Variants in MACROD2 observed in about 807,000 individuals in gnomAD.
MACROD2 encodes ADP-ribose glycohydrolase MACROD2.
In MACROD2, 36 loss-of-function variants were observed where a neutral mutation model predicts 70.4. The observed-to-expected ratio is 0.51, with a 90% confidence interval of 0.39 to 0.68. The LOEUF (loss-of-function observed/expected upper bound fraction) is 0.68. MACROD2 is among the 30% of genes least tolerant of loss of function. The pLI, the probability that MACROD2 is intolerant of heterozygous loss-of-function variation, is 0.00. For missense variants in MACROD2, 496 were observed against 538.4 expected (o/e 0.92, Z 0.78); for synonymous variants, 172 against 178.8 (o/e 0.96, Z 0.30).
intron 8 of MACROD2, among the ~76,000 whole-genome samples, chr20:15,737,174 G>T (rs2051034015): frequency 2.6e-5 from 4 of 152,148 alleles, no homozygotes; most frequent in Admixed American, 6.5e-5. Context: ...GAGGAAGGTT[G>T]AAATAATTTT....
At chr20:15,552,589 C>T (rs570568085) in intron 8 of MACROD2, 1 of 152,390 alleles carries the variant, frequency 6.6e-6, no homozygotes, top group African/African-American at 2.4e-5. Flanking sequence ...CCAGATAACA[C>T]AGACAGCTTC....
At chr20:14,542,201 A>T (rs183704111) in intron 4 of MACROD2, among the ~76,000 whole-genome samples, 122 of 152,022 alleles carry the variant, frequency 8.0e-4, no homozygotes, top group Admixed American at 1.6e-3. Flanking sequence ...CCCTCACCGC[A>T]CTCCTATGTA....
intron 5 of MACROD2, chr20:14,757,426 G>C (rs556797349): frequency 5.0e-6 from 2 of 396,818 alleles, no homozygotes; most frequent in Non-Finnish European, 9.1e-6. Context: ...ATTTCATTTA[G>C]TTTCAAAAGA....
rs527736446 is a variant in MACROD2 at position 15,460,414 on chromosome 20, G to T, written c.571+28979G>T. On this transcript the variant is annotated intron_variant, in intron 7 of 17. Transcript: ENST00000684519. ...CTCCTCAAAAATATTAGCACCAGCA[G>T]GCAGCACGGTTTCCACAGAGGTCTT... Among the ~76,000 whole-genome samples, 46 of 152,248 alleles carry T rather than the reference G, an allele frequency of 3.0e-4. 1 individual carries two copies. The South Asian group carries it at 9.6e-3, about 32-fold the overall frequency.
At chr20:14,529,370 A>T (rs995548125) in intron 4 of MACROD2, among the ~76,000 whole-genome samples, 16 of 152,162 alleles carry the variant, frequency 1.1e-4, no homozygotes, top group African/African-American at 3.6e-4. Flanking sequence ...CACTTAGTGT[A>T]TTGGCTTTTG....
intron 2 of MACROD2, among the ~76,000 whole-genome samples, chr20:14,022,850 G>A (rs2053107549): frequency 1.3e-5 from 2 of 152,134 alleles, no homozygotes; most frequent in Non-Finnish European, 1.5e-5. Flanking sequence ...GTCGTTGATG[G>A]GCATTTGGGT....
chr20:14,636,717 A>G (rs1006673199), intron 4 of MACROD2, among the ~76,000 whole-genome samples: 3 of 152,232 alleles, frequency 2.0e-5, no homozygotes, highest in East Asian at 3.9e-4. Flanking sequence ...AAAATATTCT[A>G]TAATCTTCTC....
intron 5 of MACROD2, among the ~76,000 whole-genome samples, chr20:14,841,538 G>T (rs1348112226): frequency 6.9e-6 from 1 of 144,290 alleles, no homozygotes; most frequent in African/African-American, 2.5e-5. Flanking sequence ...AAAAAAAAAA[G>T]AATATAGAAA....
chr20:15,886,689 G>T (rs1430806473), intron 10 of MACROD2, among the ~76,000 whole-genome samples: 3 of 152,086 alleles, frequency 2.0e-5, no homozygotes, highest in Non-Finnish European at 2.9e-5. Context: ...GCCATTCAGT[G>T]TGTCTTTGAT....
chr20:15,835,408 A>G lies in MACROD2; in HGVS notation c.646-27337A>G, dbSNP rs73246785. Among the ~76,000 whole-genome samples the G allele has an allele frequency of 7.0e-3, 1,064 of 152,268 alleles. 8 individuals are homozygous for G. The highest frequency in any genetic ancestry group is 0.024 in the African/African-American group (984 of 41,568). On this transcript the variant is annotated intron_variant, in intron 8 of 17. Transcript: ENST00000684519. ...AAATCTTGCCTGATACTTAATATCA[A>G]TATGAATAATGTATTATGAATAGTA...
intron 4 of MACROD2, among the ~76,000 whole-genome samples, chr20:14,515,471 A>ACACGCGCGCG (rs1555798359): frequency 1.0e-4 from 10 of 99,872 alleles, no homozygotes; most frequent in African/African-American, 3.8e-4. Context: ...ACACGCACAC[A>ACACGCGCGCG]CACACACACA....
At chr20:15,179,711 C>T (rs1180142321) in intron 5 of MACROD2, among the ~76,000 whole-genome samples, 1 of 152,182 alleles carries the variant, frequency 6.6e-6, no homozygotes, top group Non-Finnish European at 1.5e-5. Flanking sequence ...TCCCTCCTAC[C>T]TATGAATTAC....
intron 5 of MACROD2, among the ~76,000 whole-genome samples, chr20:15,049,739 G>A (rs993183848): frequency 6.6e-6 from 1 of 152,100 alleles, no homozygotes; most frequent in African/African-American, 2.4e-5. Flanking sequence ...CCTGAGGTTA[G>A]GAGTTCAAGA....
chr20:15,825,183 G>A (rs1319280035), intron 8 of MACROD2, among the ~76,000 whole-genome samples: 3 of 152,146 alleles, frequency 2.0e-5, no homozygotes. Context: ...CTGAAAGGTG[G>A]CATCTCTTTC....
intron 3 of MACROD2, chr20:14,327,046 T>A (rs2082747799): frequency 6.2e-7 from 1 of 1,613,650 alleles, no homozygotes; most frequent in Admixed American, 1.7e-5. Context: ...TCGGAGATAG[T>A]TGCTGTCTCG....
chr20:14,559,903 C>T (rs1009704803), intron 4 of MACROD2, among the ~76,000 whole-genome samples: 1 of 151,736 alleles, frequency 6.6e-6, no homozygotes, highest in Non-Finnish European at 1.5e-5. Flanking sequence ...TCTGTCTCTC[C>T]GGTGTGAAAC....
intron 5 of MACROD2, among the ~76,000 whole-genome samples, chr20:15,202,006 C>A (rs1342674770): frequency 2.0e-5 from 3 of 152,040 alleles, no homozygotes; most frequent in Non-Finnish European, 4.4e-5. Flanking sequence ...GGATCTAGGG[C>A]AGTATTATTT....
rs552495506 is a variant in MACROD2, at chr20:14,864,450, T to A, written c.418+179491T>A. Among the ~76,000 whole-genome samples, 171 of 152,252 alleles carry A rather than the reference T, an allele frequency of 1.1e-3. 1 individual carries two copies. Among genetic ancestry groups the A allele is most frequent in the Admixed American group, 2.2e-3 (33 of 15,262 alleles). ...TTTTTTATACTGTAAAACTTTAATT[T>A]TAAGATTTCAATGTTTTTATTCATT... On this transcript the variant is annotated intron_variant, in intron 5 of 17. Coordinates refer to ENST00000684519, the MANE Select transcript of MACROD2 (RefSeq NM_001351661.2).
At chr20:15,983,178 C>T (rs1362899039) in intron 13 of MACROD2, among the ~76,000 whole-genome samples, 1 of 152,184 alleles carries the variant, frequency 6.6e-6, no homozygotes, top group East Asian at 1.9e-4. Context: ...GACTTAAATC[C>T]TGTAACTATT....
Sources: allele counts gnomAD v4.1 joint callset (sites outside exome capture counted in the v4.1 genomes callset), GRCh38; gene constraint gnomAD v4.1.1; transcripts MANE v1.5; gene names NCBI Gene and HGNC (gene_info 2026-07-23, HGNC 2026-07-21).